Variants in LMOD1 observed in about 807,000 individuals in gnomAD.
LMOD1 encodes leiomodin 1, also known as leiomodin-1.
Under a neutral mutation model 36.5 loss-of-function variants are expected in LMOD1, and 8 were observed. The ratio of observed to expected loss-of-function variants is 0.22; its 90% CI spans 0.13 to 0.40. LMOD1 has a LOEUF of 0.40. LMOD1 is among the 10% of genes least tolerant of loss of function. The pLI is 1.00. For synonymous variants in LMOD1, 284 were observed against 288.7 expected (o/e 0.98, Z 0.17); for missense variants, 630 against 751.1 (o/e 0.84, Z 1.88).
chr1:201,923,213 T>A (rs1002591716), intron 1 of LMOD1, among the ~76,000 whole-genome samples: 8 of 152,020 alleles, frequency 5.3e-5, no homozygotes, highest in Admixed American at 2.0e-4. Flanking sequence ...GCAGAGGGTT[T>A]CCAGAGTGCA....
At chr1:201,928,587 G>A (rs1328989417) in intron 1 of LMOD1, among the ~76,000 whole-genome samples, 4 of 152,228 alleles carry the variant, frequency 2.6e-5, no homozygotes, top group Admixed American at 2.0e-4. Context: ...AGTTCTCTAG[G>A]AGAGCTGTAT....
At chr1:201,942,787 C>T (rs1042265768) in intron 1 of LMOD1, among the ~76,000 whole-genome samples, 1 of 151,890 alleles carries the variant, frequency 6.6e-6, no homozygotes, top group Non-Finnish European at 1.5e-5. Flanking sequence ...CAATTGTCAA[C>T]TGGTGGCCAA....
At chr1:201,921,817 A>G (rs1044723087) in intron 1 of LMOD1, among the ~76,000 whole-genome samples, 2 of 151,270 alleles carry the variant, frequency 1.3e-5, no homozygotes, top group African/African-American at 2.4e-5. Flanking sequence ...AAAATTAGCC[A>G]GGCGTGGTGG....
At position 201,900,179 on chromosome 1, in the gene LMOD1, A is replaced by C; in HGVS notation, c.834T>G (p.His278Gln). The C allele has an allele frequency of 6.2e-7, 1 of 1,613,310 alleles. No individual in the cohort carries two copies. Among genetic ancestry groups the C allele is most frequent in the Middle Eastern group, 1.6e-4 (1 of 6,062 alleles). Residue 278 changes from histidine to glutamine, a missense_variant, in exon 2 of 3, where the codon CAT becomes CAG. Coordinates refer to ENST00000367288, the MANE Select transcript of LMOD1 (RefSeq NM_012134.3). ...DEKVKKNEPL[H>Q]EKEAKDDSKT... ...TGCTGTCATCCTTGGCTTCCTTTTC[A>C]TGTAAGGGTTCATTCTTCTTGACTT...
chr1:201,917,258 G>T (rs1439328169), intron 1 of LMOD1, among the ~76,000 whole-genome samples: 1 of 152,152 alleles, frequency 6.6e-6, no homozygotes, highest in Non-Finnish European at 1.5e-5. Context: ...TCAAAAGCCT[G>T]CCAAGAGCCA....
chr1:201,924,661 AAAAAAAAGAAAGAAAG>A (rs776391319), intron 1 of LMOD1, among the ~76,000 whole-genome samples: 5,681 of 136,814 alleles, frequency 0.042, 378 homozygotes, highest in East Asian at 0.26. Context: ...AGAAAGAAAG[AAAAAAAAGAAAGAAAG>A]AAAGAAAGAA....
chr1:201,942,081 C>G (rs1043509699), intron 1 of LMOD1, among the ~76,000 whole-genome samples: 1 of 152,150 alleles, frequency 6.6e-6, no homozygotes, highest in African/African-American at 2.4e-5. Flanking sequence ...ATGATTAGGG[C>G]GGAGCTACAC....
chr1:201,910,744 CTTTTTTTTTTT>C (rs58506647), intron 1 of LMOD1, among the ~76,000 whole-genome samples: 4 of 49,066 alleles, frequency 8.2e-5, no homozygotes, highest in African/African-American at 8.7e-5. Flanking sequence ...TGGTGTCATT[CTTTTTTTTTTT>C]TTTTTTTTTT....
rs373672791 is a variant in LMOD1 at position 201,900,671 on chromosome 1, G to A, written c.342C>T (p.Gly114=). Reference sequence around the variant, plus strand: ...TCCCCAGATCTGAGTCCCGTCTGGGGCCCAGGGCTTTTTTGCTGGCATCTC... The same window carrying A: ...TCCCCAGATCTGAGTCCCGTCTGGGACCCAGGGCTTTTTTGCTGGCATCTC... ...RGRDASKKAL[G]PRRDSDLGKE... Residue 114 remains glycine, a synonymous_variant, in exon 2 of 3, where the codon GGC becomes GGT. Coordinates refer to ENST00000367288, the MANE Select transcript of LMOD1 (RefSeq NM_012134.3). The A allele has an allele frequency of 6.7e-5, 108 of 1,613,602 alleles. No homozygotes were observed. Among genetic ancestry groups the A allele is most frequent in the Admixed American group, 3.2e-4 (19 of 59,982 alleles).
At chr1:201,940,569 G>C (rs1258835455) in intron 1 of LMOD1, among the ~76,000 whole-genome samples, 1 of 150,528 alleles carries the variant, frequency 6.6e-6, no homozygotes, top group Non-Finnish European at 1.5e-5. Flanking sequence ...AGGCACTAAT[G>C]CCTCACTTGC....
intron 1 of LMOD1, among the ~76,000 whole-genome samples, chr1:201,903,314 C>A (rs967222902): frequency 6.6e-6 from 1 of 152,208 alleles, no homozygotes; most frequent in Non-Finnish European, 1.5e-5. Context: ...GAGACAGGGC[C>A]TTGGAATGTA....
chr1:201,929,707 A>G (rs925179253), intron 1 of LMOD1, among the ~76,000 whole-genome samples: 1 of 152,222 alleles, frequency 6.6e-6, no homozygotes, highest in African/African-American at 2.4e-5. Context: ...GCCTTTGTAA[A>G]TTCCTCATCC....
At chr1:201,912,000 AG>A (rs1225929824) in intron 1 of LMOD1, among the ~76,000 whole-genome samples, 2 of 152,174 alleles carry the variant, frequency 1.3e-5, no homozygotes, top group Non-Finnish European at 2.9e-5. Flanking sequence ...CAAGATCCAC[AG>A]GGGGTTTCTG....
At chr1:201,909,287 G>A (rs1681455286) in intron 1 of LMOD1, among the ~76,000 whole-genome samples, 1 of 152,208 alleles carries the variant, frequency 6.6e-6, no homozygotes, top group African/African-American at 2.4e-5. Flanking sequence ...CTGGCAAAAT[G>A]TCTGCAGATG....
rs1681310410 is a variant in LMOD1 at position 201,901,553 on chromosome 1, CATATATATAT to C, written c.262-812_262-803del. ...ATGTATATATATATATATATATATA[CATATATATAT>C]GTATATATATATATATATATACATA... On this transcript the variant is annotated intron_variant, in intron 1 of 2. Transcript: ENST00000367288. Among the ~76,000 whole-genome samples the C allele has an allele frequency of 1.0e-4, 4 of 38,358 alleles. 1 individual carries two copies. The highest frequency in any genetic ancestry group is 4.4e-4 in the African/African-American group (3 of 6,792). 25.2% of individuals were successfully genotyped at this position (38,358 alleles called of 152,430 possible).
intron 2 of LMOD1, among the ~76,000 whole-genome samples, chr1:201,898,699 A>G (rs1681234759): frequency 6.6e-6 from 1 of 152,146 alleles, no homozygotes; most frequent in Non-Finnish European, 1.5e-5. Flanking sequence ...CCAGACTTCC[A>G]GGGGAGGCAG....
intron 1 of LMOD1, among the ~76,000 whole-genome samples, chr1:201,913,494 C>T (rs189053402): frequency 2.0e-5 from 3 of 152,322 alleles, no homozygotes; most frequent in East Asian, 1.9e-4. Context: ...GTAATCTCAG[C>T]TACTCAGGAG....
chr1:201,910,066 G>A (rs973117663), intron 1 of LMOD1, among the ~76,000 whole-genome samples: 2 of 152,288 alleles, frequency 1.3e-5, no homozygotes, highest in East Asian at 1.9e-4. Flanking sequence ...GCAAGACACC[G>A]TGCTAATAAG....
At position 201,932,627 on chromosome 1, in the gene LMOD1, C is replaced by T. The variant is rs141098311; in HGVS notation, c.261+13453G>A. On this transcript the variant is annotated intron_variant, in intron 1 of 2. Coordinates refer to ENST00000367288, the MANE Select transcript of LMOD1 (RefSeq NM_012134.3). ...ATTAGCCAGGTATGGTGGTGCACAC[C>T]TGTAGTCAGGAGGCTGAGGTGGAAG... Among the ~76,000 whole-genome samples, 501 of 151,992 alleles carry T rather than the reference C, an allele frequency of 3.3e-3. 2 individuals carry two copies. The highest frequency in any genetic ancestry group is 0.011 in the African/African-American group (466 of 41,418).
Sources: gnomAD v4.1 joint callset for allele counts (sites outside exome capture counted in the v4.1 genomes callset) on GRCh38, gnomAD v4.1.1 for gene constraint, MANE v1.5 for transcripts, NCBI Gene and HGNC (gene_info 2026-07-23, HGNC 2026-07-21) for gene names.